The following PIGK variants were observed in gnomAD, a reference collection of about 807,000 sequenced individuals.
PIGK encodes phosphatidylinositol glycan anchor biosynthesis class K, also known as GPI-anchor transamidase.
Under a neutral mutation model 50.6 loss-of-function variants are expected in PIGK, and 42 were observed. The observed-to-expected ratio is 0.83, with a 90% CI of 0.65 to 1.07. The LOEUF (loss-of-function observed/expected upper bound fraction) is 1.07, where lower values mean the gene tolerates loss of function less well. Among genes scored for constraint, PIGK ranks in the 50% least tolerant of loss-of-function variants. The pLI is 0.00. For missense variants in PIGK, 448 were observed against 488.7 expected (o/e 0.92, Z 0.78); for synonymous variants, 151 against 156.0 (o/e 0.97, Z 0.24).
chr1:77,169,474 C>G (rs1655309202), intron 3 of PIGK, 79 bp from the exon 4 acceptor site: 1 of 1,150,046 alleles, frequency 8.7e-7, no homozygotes, highest in Admixed American at 2.7e-5. Context: ...TATCATGTAG[C>G]TACTGTGTTC....
intron 9 of PIGK, among the ~76,000 whole-genome samples, chr1:77,138,789 C>A (rs1047497091): frequency 1.3e-5 from 2 of 152,074 alleles, no homozygotes; most frequent in East Asian, 3.8e-4. Context: ...ATTCCTAAAT[C>A]GAATTTGAGT....
chr1:77,164,798 C>T (rs1655200860), intron 5 of PIGK, among the ~76,000 whole-genome samples: 3 of 151,866 alleles, frequency 2.0e-5, no homozygotes, highest in Admixed American at 6.6e-5. Flanking sequence ...CCTTGAATAT[C>T]GGCACCTAAG....
chr1:77,157,164 C>G (rs760598301), intron 8 of PIGK, among the ~76,000 whole-genome samples: 7 of 152,160 alleles, frequency 4.6e-5, no homozygotes, highest in Non-Finnish European at 1.0e-4. Context: ...GTGAATACAG[C>G]TGATACTCAG....
intron 10 of PIGK, among the ~76,000 whole-genome samples, chr1:77,117,556 T>C (rs1452024744): frequency 1.3e-5 from 2 of 152,166 alleles, no homozygotes; most frequent in Non-Finnish European, 2.9e-5. Flanking sequence ...GGTGTTTCTC[T>C]TTGCACCCAA....
intron 10 of PIGK, among the ~76,000 whole-genome samples, chr1:77,094,825 C>T (rs984849161): frequency 6.6e-6 from 1 of 152,160 alleles, no homozygotes; most frequent in African/African-American, 2.4e-5. Flanking sequence ...TCTGGTCTTT[C>T]AACCTCCTTG....
At chr1:77,165,727 T>A (rs1008370536) in intron 5 of PIGK, among the ~76,000 whole-genome samples, 1 of 151,734 alleles carries the variant, frequency 6.6e-6, no homozygotes, top group Non-Finnish European at 1.5e-5. Flanking sequence ...AAACTAAAAA[T>A]TAACATGGGC....
intron 1 of PIGK, among the ~76,000 whole-genome samples, chr1:77,212,510 T>G (rs1656442986): frequency 6.6e-6 from 1 of 152,170 alleles, no homozygotes; most frequent in South Asian, 2.1e-4. Flanking sequence ...TGTACCTGTG[T>G]GTACAAGCAC....
chr1:77,102,783 T>C (rs755942268), intron 10 of PIGK, among the ~76,000 whole-genome samples: 4 of 152,234 alleles, frequency 2.6e-5, no homozygotes, highest in Non-Finnish European at 5.9e-5. Context: ...GTTTATTATA[T>C]GTCTACATTT....
At position 77,193,245 on chromosome 1, in the gene PIGK, ATGTGTG is replaced by A. The variant is rs56987496; in HGVS notation, c.239+13389_239+13394del. On this transcript the variant is annotated intron_variant, in intron 3 of 10. Coordinates refer to ENST00000370812, the MANE Select transcript of PIGK (RefSeq NM_005482.3). ...TGTTAGCTGACAGTGTGGCATGAGA[ATGTGTG>A]TGTGTGTGTGTGTGTGTGTGTGTGT... Among the ~76,000 whole-genome samples, 1,408 of 144,632 alleles carry A rather than the reference ATGTGTG, an allele frequency of 9.7e-3. 5 individuals are homozygous for A. Among genetic ancestry groups the A allele is most frequent in the Non-Finnish European group, 0.015 (1,007 of 65,966 alleles). The allele number at this position is 144,632 out of a possible 152,430, so 94.9% of individuals were successfully genotyped here. A position where few individuals can be genotyped will look rare whatever the true frequency, so the allele number is the denominator to read the frequency against.
chr1:77,145,234 A>C (rs1430151251), intron 9 of PIGK, among the ~76,000 whole-genome samples: 1 of 151,968 alleles, frequency 6.6e-6, no homozygotes, highest in East Asian at 1.9e-4. Context: ...ACTAGAATCC[A>C]TATGTTCAAT....
At chr1:77,202,039 TG>T (rs35704125) in intron 3 of PIGK, among the ~76,000 whole-genome samples, 25,370 of 149,814 alleles carry the variant, frequency 0.17, 3,609 homozygotes, top group African/African-American at 0.39. Flanking sequence ...CCCAGGGCAA[TG>T]GAGTGAGACA....
intron 3 of PIGK, among the ~76,000 whole-genome samples, chr1:77,188,787 T>C (rs1405802133): frequency 6.6e-6 from 1 of 152,118 alleles, no homozygotes; most frequent in Admixed American, 6.5e-5. Context: ...TCCCTTTATT[T>C]CTCAAGCCGG....
At chr1:77,122,240 T>C (rs1426068959) in intron 10 of PIGK, 35 bp downstream of exon 10, 1 of 1,322,974 alleles carries the variant, frequency 7.6e-7, no homozygotes, top group African/African-American at 1.4e-5. Flanking sequence ...ATTAAAAATC[T>C]TGTTTCTTTC....
intron 9 of PIGK, among the ~76,000 whole-genome samples, chr1:77,152,062 A>G (rs1243829304): frequency 6.6e-6 from 1 of 152,158 alleles, no homozygotes; most frequent in Non-Finnish European, 1.5e-5. Context: ...CTGAGCAAGA[A>G]GAACAAAGCT....
intron 9 of PIGK, among the ~76,000 whole-genome samples, chr1:77,148,548 A>G (rs1654820806): frequency 6.6e-6 from 1 of 152,174 alleles, no homozygotes; most frequent in African/African-American, 2.4e-5. Context: ...TCCAGAACAT[A>G]TAACAAAACA....
chr1:77,098,690 T>C (rs879487904), intron 10 of PIGK, among the ~76,000 whole-genome samples: 5 of 151,946 alleles, frequency 3.3e-5, no homozygotes, highest in Admixed American at 2.0e-4. Context: ...TCAAAATGTA[T>C]AGAAATCAAA....
intron 6 of PIGK, among the ~76,000 whole-genome samples, chr1:77,163,067 T>C (rs1380120758): frequency 6.6e-6 from 1 of 152,230 alleles, no homozygotes; most frequent in Non-Finnish European, 1.5e-5. Flanking sequence ...TAAAATACAG[T>C]ATGCAGCCCC....
At chr1:77,095,871 A>T (rs1222826410) in intron 10 of PIGK, among the ~76,000 whole-genome samples, 2 of 152,064 alleles carry the variant, frequency 1.3e-5, no homozygotes, top group Non-Finnish European at 2.9e-5. Context: ...TTTAAACCTA[A>T]GTGGATAGTG....
intron 4 of PIGK, among the ~76,000 whole-genome samples, chr1:77,167,399 C>T (rs1655260179): frequency 6.6e-6 from 1 of 152,128 alleles, no homozygotes; most frequent in Non-Finnish European, 1.5e-5. Flanking sequence ...GAATTTAAAA[C>T]TTTAAATGCT....
Sources: allele counts gnomAD v4.1 joint callset (sites outside exome capture counted in the v4.1 genomes callset), GRCh38; gene constraint gnomAD v4.1.1; transcripts MANE v1.5; gene names NCBI Gene and HGNC (gene_info 2026-07-23, HGNC 2026-07-21).